Variants in DGKB observed in about 807,000 individuals in gnomAD.
The protein encoded by DGKB is diacylglycerol kinase beta, also known as 90 kDa diacylglycerol kinase.
DGKB carries 67 observed loss-of-function variants against 114.3 expected under a neutral mutation model. That is an observed-to-expected ratio of 0.59 (90% CI 0.48 to 0.72). The LOEUF is 0.72. Among genes scored for constraint, DGKB ranks in the 30% least tolerant of loss-of-function variants. The probability of loss-of-function intolerance (pLI) is 0.00; values close to 1 mark genes in which losing one functional copy is unlikely to be tolerated. For synonymous variants in DGKB, 398 were observed against 323.1 expected (o/e 1.23, Z -2.49); for missense variants, 907 against 975.2 (o/e 0.93, Z 0.93).
intron 4 of DGKB, among the ~76,000 whole-genome samples, chr7:14,740,983 C>T (rs1267174365): frequency 6.6e-6 from 1 of 152,150 alleles, no homozygotes; most frequent in African/African-American, 2.4e-5. Flanking sequence ...GCTCCTCTTT[C>T]TAGATGAGTA....
At chr7:14,172,436 AG>A (rs1186412547) in intron 25 of DGKB, among the ~76,000 whole-genome samples, 2 of 152,200 alleles carry the variant, frequency 1.3e-5, no homozygotes, top group African/African-American at 4.8e-5. Context: ...AGTGGTTAAT[AG>A]GGAGAGAAAG....
chr7:14,669,065 C>A (rs1285847561), intron 13 of DGKB, among the ~76,000 whole-genome samples: 1 of 152,138 alleles, frequency 6.6e-6, no homozygotes, highest in African/African-American at 2.4e-5. Flanking sequence ...TTTGTTCCCA[C>A]TTTCCTAGGT....
chr7:14,810,672 G>T (rs184189978), intron 2 of DGKB, among the ~76,000 whole-genome samples: 1 of 151,942 alleles, frequency 6.6e-6, no homozygotes. Flanking sequence ...ATCTTGGCAC[G>T]ATCTTGGCTC....
intron 23 of DGKB, among the ~76,000 whole-genome samples, chr7:14,295,582 A>G (rs919798404): frequency 6.6e-6 from 1 of 151,598 alleles, no homozygotes; most frequent in African/African-American, 2.4e-5. Flanking sequence ...TTTTTAATAG[A>G]TAGGTTTTCT....
At chr7:14,930,042 C>T (rs1784926956) in intron 1 of DGKB, among the ~76,000 whole-genome samples, 1 of 152,022 alleles carries the variant, frequency 6.6e-6, no homozygotes, top group Non-Finnish European at 1.5e-5. Flanking sequence ...GAATATGTGG[C>T]TTTATTTCTG....
chr7:14,192,162 G>A (rs1304897855), intron 23 of DGKB: 9 of 294,094 alleles, frequency 3.1e-5, no homozygotes, highest in African/African-American at 8.9e-5. Flanking sequence ...TGGGAAGAAG[G>A]TAGTCAAATT....
intron 23 of DGKB, among the ~76,000 whole-genome samples, chr7:14,195,774 G>A (rs1784925816): frequency 6.6e-6 from 1 of 152,108 alleles, no homozygotes; most frequent in African/African-American, 2.4e-5. Flanking sequence ...AGAACATGAT[G>A]ATGAGGAAAA....
intron 25 of DGKB, among the ~76,000 whole-genome samples, chr7:14,172,692 T>C (rs187771208): frequency 6.6e-6 from 1 of 152,208 alleles, no homozygotes; most frequent in East Asian, 1.9e-4. Flanking sequence ...TGTAATAAAT[T>C]TGAGGTTCCT....
chr7:14,200,781 A>G (rs76839192), intron 23 of DGKB, among the ~76,000 whole-genome samples: 4,599 of 152,066 alleles, frequency 0.03, 247 homozygotes, highest in African/African-American at 0.1. Context: ...CATTGTCAAA[A>G]AGGGAGAGTG....
At chr7:14,231,093 T>TCTC (rs1562684186) in intron 23 of DGKB, among the ~76,000 whole-genome samples, 2 of 72,012 alleles carry the variant, frequency 2.8e-5, no homozygotes, top group Non-Finnish European at 5.9e-5. Flanking sequence ...CTTTCTTTCT[T>TCTC]TCTTTCTTTC....
chr7:14,207,836 A>G (rs1472742001), intron 23 of DGKB, among the ~76,000 whole-genome samples: 1 of 151,956 alleles, frequency 6.6e-6, no homozygotes, highest in Non-Finnish European at 1.5e-5. Context: ...GGGGAAGGAA[A>G]TGGATTCCAA....
rs182353336 is a variant in DGKB, at chr7:14,364,401, A to G, written c.1836-19010T>C. On this transcript the variant is annotated intron_variant, in intron 21 of 25. Transcript: ENST00000402815. ...CTTCAAACAGGGAAAGCAAAGGAAA[A>G]AAAAAGAAAGAAGGAAGAAAGGAAG... Among the ~76,000 whole-genome samples, 339 of 152,036 alleles carry G rather than the reference A, an allele frequency of 2.2e-3. 1 individual carries two copies. The highest frequency in any genetic ancestry group is 3.5e-3 in the Non-Finnish European group (237 of 67,960).
chr7:14,325,729 A>G (rs1002086740), intron 23 of DGKB, among the ~76,000 whole-genome samples: 7 of 152,152 alleles, frequency 4.6e-5, no homozygotes, highest in Non-Finnish European at 8.8e-5. Flanking sequence ...AAAAATTTCC[A>G]TAAACTAAAA....
intron 25 of DGKB, among the ~76,000 whole-genome samples, chr7:14,168,559 A>G (rs1172213917): frequency 6.6e-6 from 1 of 152,258 alleles, no homozygotes; most frequent in Non-Finnish European, 1.5e-5. Context: ...TCTTGAAAGC[A>G]GCCTAAGAAA....
At chr7:14,164,725 C>T (rs1376282244) in intron 25 of DGKB, among the ~76,000 whole-genome samples, 1 of 152,072 alleles carries the variant, frequency 6.6e-6, no homozygotes, top group Non-Finnish European at 1.5e-5. Context: ...CAAATACTGT[C>T]CCACTGTAGA....
At chr7:14,591,630 G>C (rs1411516826) in intron 17 of DGKB, among the ~76,000 whole-genome samples, 1 of 152,002 alleles carries the variant, frequency 6.6e-6, no homozygotes, top group Admixed American at 6.6e-5. Flanking sequence ...AAGATCCACT[G>C]CACAACACTG....
intron 23 of DGKB, among the ~76,000 whole-genome samples, chr7:14,203,151 G>A (rs905527852): frequency 1.6e-5 from 1 of 61,964 alleles, no homozygotes; most frequent in Non-Finnish European, 2.6e-5. Flanking sequence ...GTATCAAAAA[G>A]AGCAGTAGCC....
chr7:14,531,073 G>T (rs756782800), intron 20 of DGKB, among the ~76,000 whole-genome samples: 1 of 151,426 alleles, frequency 6.6e-6, no homozygotes, highest in Non-Finnish European at 1.5e-5. Flanking sequence ...TACACATAAA[G>T]TGCAGCTTGT....
chr7:14,456,432 T>C (rs1832296783), intron 21 of DGKB, among the ~76,000 whole-genome samples: 1 of 151,992 alleles, frequency 6.6e-6, no homozygotes, highest in South Asian at 2.1e-4. Context: ...TTCAACATCA[T>C]TAGAATTTGA....
Sources: gnomAD v4.1 joint callset for allele counts (sites outside exome capture counted in the v4.1 genomes callset) on GRCh38, gnomAD v4.1.1 for gene constraint, MANE v1.5 for transcripts, NCBI Gene and HGNC (gene_info 2026-07-23, HGNC 2026-07-21) for gene names.